Variants in SHANK2 observed in about 807,000 individuals in gnomAD.
The protein encoded by SHANK2 is SH3 and multiple ankyrin repeat domains protein 2.
In SHANK2, 43 loss-of-function variants were observed where a neutral mutation model predicts 133.7. The ratio of observed to expected loss-of-function variants is 0.32; its 90% CI spans 0.25 to 0.41. The LOEUF (loss-of-function observed/expected upper bound fraction) is 0.41, where lower values mean the gene tolerates loss of function less well. SHANK2 is among the 10% of genes least tolerant of loss of function. SHANK2 has a pLI of 1.00. For missense variants in SHANK2, 1,994 were observed against 2,235.8 expected (o/e 0.89, Z 2.18); for synonymous variants, 1,017 against 952.8 (o/e 1.07, Z -1.24).
At chr11:70,693,013 C>T (rs898628526) in intron 15 of SHANK2, among the ~76,000 whole-genome samples, 9 of 152,168 alleles carry the variant, frequency 5.9e-5, no homozygotes, top group South Asian at 2.1e-4. Context: ...CCGGCAAAAA[C>T]GAAGAGAAGG....
At chr11:70,737,686 C>T (rs1443396215) in intron 14 of SHANK2, among the ~76,000 whole-genome samples, 1 of 152,176 alleles carries the variant, frequency 6.6e-6, no homozygotes, top group South Asian at 2.1e-4. Flanking sequence ...ACGGGCAGCC[C>T]GGGGCAGGGC....
chr11:71,098,542 G>A (rs569299520), intron 6 of SHANK2, among the ~76,000 whole-genome samples: 4 of 152,306 alleles, frequency 2.6e-5, no homozygotes, highest in African/African-American at 7.2e-5. Flanking sequence ...GAAGACCACA[G>A]AACATATCAC....
intron 10 of SHANK2, among the ~76,000 whole-genome samples, chr11:70,916,589 C>A (rs1227630834): frequency 2.0e-5 from 3 of 152,174 alleles, no homozygotes; most frequent in Non-Finnish European, 4.4e-5. Context: ...TCTAATGGAG[C>A]ATGATTCACC....
chr11:70,655,775 C>G (rs2061397934), intron 17 of SHANK2, among the ~76,000 whole-genome samples: 1 of 152,152 alleles, frequency 6.6e-6, no homozygotes, highest in Admixed American at 6.5e-5. Context: ...GTCGAGGAGA[C>G]TTTAGTTGGC....
intron 14 of SHANK2, among the ~76,000 whole-genome samples, chr11:70,737,627 T>C (rs1946432265): frequency 6.6e-6 from 1 of 152,220 alleles, no homozygotes; most frequent in African/African-American, 2.4e-5. Context: ...CCGCGCTCCC[T>C]GACCCTCTAG....
intron 15 of SHANK2, among the ~76,000 whole-genome samples, chr11:70,669,804 TC>T (rs1591729638): frequency 6.6e-6 from 1 of 152,102 alleles, no homozygotes; most frequent in East Asian, 1.9e-4. Flanking sequence ...GTAGAACCAC[TC>T]GGAGGGCAGG....
chr11:70,482,720 C>A lies in SHANK2; in HGVS notation c.4979+2594G>T, dbSNP rs546292709. 2.0e-5 allele frequency among the ~76,000 whole-genome samples: 3 copies of A among 152,344 alleles called. No homozygotes were observed. The South Asian group carries it at 6.2e-4, about 32-fold the overall frequency. ...GAGAGCCGGGCTATAAATAACAGGA[C>A]AGCTGGGAGGCGGCCGTTCTTGGCA... On this transcript the variant is annotated intron_variant, in intron 25 of 25. Coordinates refer to ENST00000601538, the MANE Select transcript of SHANK2 (RefSeq NM_012309.5).
At chr11:71,184,208 G>A (rs1470858333) in intron 2 of SHANK2, among the ~76,000 whole-genome samples, 1 of 152,104 alleles carries the variant, frequency 6.6e-6, no homozygotes, top group Non-Finnish European at 1.5e-5. Context: ...ATCCATGGAG[G>A]GAGGCCTTGT....
intron 17 of SHANK2, among the ~76,000 whole-genome samples, chr11:70,650,696 G>A (rs1555009899): frequency 6.6e-6 from 1 of 152,140 alleles, no homozygotes; most frequent in East Asian, 1.9e-4. Context: ...TTTTGCTCAA[G>A]ACCTTCCTCC....
At chr11:70,955,278 T>A (rs4469911) in intron 10 of SHANK2, among the ~76,000 whole-genome samples, 152,214 of 152,254 alleles carry the variant, frequency 1, 76,087 homozygotes, top group Non-Finnish European at 1. Context: ...CCTCTCCAAA[T>A]ATACAATGCC....
Position 70,807,380 on chromosome 11 carries a change from T to C in SHANK2, c.1494-209A>G, listed in dbSNP as rs1208441384. 6.6e-6 allele frequency among the ~76,000 whole-genome samples: 1 copy of C among 152,194 alleles called. No homozygotes were observed. Among genetic ancestry groups the C allele is most frequent in the Non-Finnish European group, 1.5e-5 (1 of 68,028 alleles). On this transcript the variant is annotated intron_variant, in intron 12 of 25. Coordinates refer to ENST00000601538, the MANE Select transcript of SHANK2 (RefSeq NM_012309.5). This position sits in a 1 kb window ranked among gnomAD's most constrained non-coding sequence, Gnocchi z 4.8. Reference sequence around the variant, plus strand: ...GATCCAACAATCCCACTCGCAGGTCTGCCCCGCACAGACAGAAAGCTGCCA... The same window carrying C: ...GATCCAACAATCCCACTCGCAGGTCCGCCCCGCACAGACAGAAAGCTGCCA...
intron 9 of SHANK2, among the ~76,000 whole-genome samples, chr11:71,063,947 C>A (rs1424476357): frequency 1.3e-5 from 2 of 152,064 alleles, no homozygotes; most frequent in African/African-American, 4.8e-5. Context: ...GACCCCCAGA[C>A]CCCATCATTT....
intron 17 of SHANK2, among the ~76,000 whole-genome samples, chr11:70,533,511 C>T (rs1022842884): frequency 7.2e-5 from 11 of 152,178 alleles, no homozygotes; most frequent in South Asian, 2.1e-4. Flanking sequence ...AATCACAACC[C>T]GGGGGCCCAT....
At chr11:70,760,864 GGGCAGA>G (rs1183714242) in intron 14 of SHANK2, among the ~76,000 whole-genome samples, 4 of 152,214 alleles carry the variant, frequency 2.6e-5, no homozygotes, top group African/African-American at 9.6e-5. Context: ...GTGACCTGTG[GGGCAGA>G]GGCTGGAGGA....
intron 8 of SHANK2, among the ~76,000 whole-genome samples, chr11:71,075,955 C>T (rs1951212846): frequency 6.6e-6 from 1 of 152,208 alleles, no homozygotes. Context: ...GAACTTTCGC[C>T]TGAGTACCTA....
chr11:70,873,194 A>G (rs1555070551), intron 11 of SHANK2: 1 of 457,334 alleles, frequency 2.2e-6, no homozygotes, highest in African/African-American at 2.0e-5. Flanking sequence ...CTCAGAGGCT[A>G]TTCTCAGACA....
intron 17 of SHANK2, among the ~76,000 whole-genome samples, chr11:70,536,968 C>G (rs2059551722): frequency 6.6e-6 from 1 of 152,198 alleles, no homozygotes; most frequent in Admixed American, 6.5e-5. Context: ...AGGAAATAAA[C>G]AGCATTTTCT....
intron 14 of SHANK2, among the ~76,000 whole-genome samples, chr11:70,784,959 G>A (rs1555046113): frequency 6.6e-6 from 1 of 152,248 alleles, no homozygotes; most frequent in East Asian, 1.9e-4. Flanking sequence ...CCAGGGACAC[G>A]AGGTGCCACT....
chr11:70,543,552 G>A (rs1554975637), intron 17 of SHANK2, among the ~76,000 whole-genome samples: 1 of 152,164 alleles, frequency 6.6e-6, no homozygotes, highest in Non-Finnish European at 1.5e-5. Flanking sequence ...ACACGTGGAG[G>A]TTCCTTGGGG....
Sources: allele counts gnomAD v4.1 joint callset (sites outside exome capture counted in the v4.1 genomes callset), GRCh38; gene constraint gnomAD v4.1.1; non-coding constraint Gnocchi (gnomAD v3.1); transcripts MANE v1.5; gene names NCBI Gene and HGNC (gene_info 2026-07-23, HGNC 2026-07-21).